FBXO16: variants seen among roughly 807,000 people sequenced by gnomAD.
The protein encoded by FBXO16 is F-box protein 16.
A neutral mutation model predicts 41.0 loss-of-function variants in FBXO16; 31 were observed. The observed-to-expected ratio is 0.76, with a 90% CI of 0.57 to 1.02. The LOEUF (loss-of-function observed/expected upper bound fraction) is 1.02. Among genes scored for constraint, FBXO16 ranks in the 50% least tolerant of loss-of-function variants. FBXO16 has a pLI of 0.00. For synonymous variants in FBXO16, 133 were observed against 117.8 expected (o/e 1.13, Z -0.84); for missense variants, 361 against 346.2 (o/e 1.04, Z -0.34).
At position 28,463,615 on chromosome 8, in the gene FBXO16, T is replaced by C. The variant is rs1803181125; in HGVS notation, c.339A>G (p.Ala113=). 1 of 1,613,776 alleles carries C rather than the reference T, an allele frequency of 6.2e-7. No homozygotes were observed. The highest frequency in any genetic ancestry group is 1.1e-5 in the South Asian group (1 of 91,018). Residue 113 remains alanine (A), a synonymous_variant, in exon 4 of 9, where the codon GCA becomes GCG. Transcript: ENST00000380254. ...FLDPRSLCRC[A]QVCWHWKNLA... ...CATACCCCTTCCTTGCCTTTACCTG[T>C]GCACAACGACAAAGGCTCCGAGGGT...
At chr8:28,452,819 AAAAC>A (rs1043261455) in intron 5 of FBXO16, among the ~76,000 whole-genome samples, 4 of 152,212 alleles carry the variant, frequency 2.6e-5, no homozygotes, top group Admixed American at 1.3e-4. Context: ...AAAACAAAAC[AAAAC>A]AAACAAACAA....
At chr8:28,462,280 T>A (rs186448362) in intron 4 of FBXO16, among the ~76,000 whole-genome samples, 1 of 139,886 alleles carries the variant, frequency 7.1e-6, no homozygotes, top group African/African-American at 3.0e-5. Context: ...TCTTCTTCTT[T>A]TTTTTTTTTT....
At chr8:28,454,749 AAAGG>A (rs1483653525) in intron 5 of FBXO16, among the ~76,000 whole-genome samples, 7 of 56,842 alleles carry the variant, frequency 1.2e-4, no homozygotes, top group African/African-American at 3.7e-4. Context: ...AAAAAAAAAA[AAAGG>A]ATCATTAATT....
chr8:28,475,838 G>A (rs1034877269), intron 2 of FBXO16, among the ~76,000 whole-genome samples: 2 of 152,160 alleles, frequency 1.3e-5, no homozygotes, highest in Non-Finnish European at 2.9e-5. Context: ...AGAAGTCATA[G>A]AATTTTAGAG....
chr8:28,458,953 G>A (rs1417394990), intron 4 of FBXO16, among the ~76,000 whole-genome samples: 1 of 152,160 alleles, frequency 6.6e-6, no homozygotes. Flanking sequence ...AAACAGCAAT[G>A]ACTTTATATG....
At chr8:28,477,106 G>GT (rs77610889) in intron 2 of FBXO16, among the ~76,000 whole-genome samples, 64 of 149,240 alleles carry the variant, frequency 4.3e-4, no homozygotes, top group Middle Eastern at 3.4e-3. Context: ...TGATGACGCA[G>GT]TTTTTTTTTT....
At chr8:28,480,966 G>T (rs1325487886) in intron 2 of FBXO16, among the ~76,000 whole-genome samples, 1 of 152,202 alleles carries the variant, frequency 6.6e-6, no homozygotes, top group African/African-American at 2.4e-5. Context: ...GCTTCACAGA[G>T]GAAAGGACAT....
intron 3 of FBXO16, among the ~76,000 whole-genome samples, chr8:28,464,625 T>C (rs1803201790): frequency 6.6e-6 from 1 of 152,218 alleles, no homozygotes; most frequent in Admixed American, 6.5e-5. Context: ...TATTATTGCA[T>C]TTCACATATA....
chr8:28,472,477 G>A (rs1283374471), intron 3 of FBXO16, among the ~76,000 whole-genome samples: 1 of 152,150 alleles, frequency 6.6e-6, no homozygotes, highest in African/African-American at 2.4e-5. Context: ...GTTCGCACCT[G>A]TAATCCCAGC....
chr8:28,463,506 ATGTG>A (rs1466077454), intron 4 of FBXO16, 102 bp downstream of exon 4: 8 of 1,042,136 alleles, frequency 7.7e-6, no homozygotes, highest in Admixed American at 4.7e-5. Flanking sequence ...ATGTGTATAT[ATGTG>A]TGTGTGTGTA....
intron 7 of FBXO16, among the ~76,000 whole-genome samples, chr8:28,435,622 T>A (rs1483359720): frequency 6.6e-6 from 1 of 151,226 alleles, no homozygotes; most frequent in Non-Finnish European, 1.5e-5. Flanking sequence ...GAATGGGGAG[T>A]GCATGCTGAT....
chr8:28,444,022 T>G (rs1802821588), intron 7 of FBXO16, among the ~76,000 whole-genome samples: 1 of 152,170 alleles, frequency 6.6e-6, no homozygotes, highest in Non-Finnish European at 1.5e-5. Flanking sequence ...CATTCTTTTA[T>G]TTCTTTAGGT....
intron 1 of FBXO16, 150 bp downstream of exon 1, chr8:28,490,036 T>A (rs1803665681): frequency 6.6e-6 from 1 of 152,182 alleles, no homozygotes. Context: ...GTTGTTAATT[T>A]CACAAGTATG....
At position 28,436,132 on chromosome 8, in the gene FBXO16, G is replaced by A. The variant is rs578109620; in HGVS notation, c.844-6729C>T. Among the ~76,000 whole-genome samples the A allele has an allele frequency of 2.0e-5, 3 of 152,250 alleles. No individual in the cohort carries two copies. In the East Asian group the frequency reaches 5.8e-4, roughly 29 times the overall value. On this transcript the variant is annotated intron_variant, in intron 7 of 8. Transcript: ENST00000380254. ...TCCTCCCTCGGGGGCCTTCTTCTAA[G>A]AAGAAGGCCTAAGAGGCTGATGCTA...
intron 3 of FBXO16, among the ~76,000 whole-genome samples, chr8:28,467,664 C>G (rs1301032339): frequency 6.6e-6 from 1 of 152,218 alleles, no homozygotes; most frequent in African/African-American, 2.4e-5. Flanking sequence ...ATGAGGTTAG[C>G]TCATCTACTT....
At position 28,452,138 on chromosome 8, in the gene FBXO16, G is replaced by T. The variant is rs540550522; in HGVS notation, c.740+106C>A. Reference sequence around the variant, plus strand: ...ACTTTTTGCTTCTATGTACTGAAAAGCTTTTGTATTTCACAGTAAGTTCTA... The same window carrying T: ...ACTTTTTGCTTCTATGTACTGAAAATCTTTTGTATTTCACAGTAAGTTCTA... On this transcript the variant is annotated intron_variant, in intron 6 of 8. Coordinates refer to ENST00000380254, the MANE Select transcript of FBXO16 (RefSeq NM_172366.4). The T allele has an allele frequency of 3.6e-4, 401 of 1,109,556 alleles. 4 individuals carry two copies. The South Asian group carries it at 6.4e-3, about 18-fold the overall frequency. 68.7% of individuals were successfully genotyped at this position (1,109,556 alleles called of 1,614,324 possible).
At chr8:28,441,425 T>C (rs1165958554) in intron 7 of FBXO16, among the ~76,000 whole-genome samples, 2 of 152,164 alleles carry the variant, frequency 1.3e-5, no homozygotes, top group Non-Finnish European at 2.9e-5. Context: ...AAGAATTACA[T>C]GCATCTGCTG....
intron 2 of FBXO16, among the ~76,000 whole-genome samples, chr8:28,477,181 T>A (rs1485772643): frequency 6.6e-6 from 1 of 152,148 alleles, no homozygotes; most frequent in East Asian, 1.9e-4. Context: ...GAAGTTAAAA[T>A]CCTGTGACTC....
intron 7 of FBXO16, among the ~76,000 whole-genome samples, chr8:28,430,058 G>C (rs1330311061): frequency 6.6e-6 from 1 of 152,134 alleles, no homozygotes; most frequent in East Asian, 1.9e-4. Context: ...CTCCCTGCAA[G>C]CAAAACTGAA....
Sources: gnomAD v4.1 joint callset for allele counts (sites outside exome capture counted in the v4.1 genomes callset) on GRCh38, gnomAD v4.1.1 for gene constraint, MANE v1.5 for transcripts, NCBI Gene and HGNC (gene_info 2026-07-23, HGNC 2026-07-21) for gene names.